LRRFIP1: variants seen among roughly 807,000 people sequenced by gnomAD.
The protein encoded by LRRFIP1 is leucine-rich repeat flightless-interacting protein 1.
A neutral mutation model predicts 104.4 loss-of-function variants in LRRFIP1; 62 were observed. The observed-to-expected ratio is 0.59, with a 90% confidence interval of 0.48 to 0.73. The LOEUF (loss-of-function observed/expected upper bound fraction) is 0.73, where lower values mean the gene tolerates loss of function less well. LRRFIP1 is among the 30% of genes least tolerant of loss of function. The pLI is 0.00. For missense variants in LRRFIP1, 796 were observed against 824.5 expected (o/e 0.97, Z 0.42); for synonymous variants, 300 against 299.0 (o/e 1.00, Z -0.03).
intron 23 of LRRFIP1, among the ~76,000 whole-genome samples, chr2:237,775,601 G>T (rs1265224278): frequency 2.6e-5 from 4 of 152,242 alleles, no homozygotes. Context: ...GGAGGCCAAG[G>T]TGAGCAAATC....
intron 8 of LRRFIP1, among the ~76,000 whole-genome samples, chr2:237,728,928 T>C (rs1240920920): frequency 2.0e-5 from 3 of 152,160 alleles, no homozygotes; most frequent in South Asian, 4.1e-4. Flanking sequence ...TGCACTTTAA[T>C]TATTTATTTT....
At position 237,649,730 on chromosome 2, in the gene LRRFIP1, G is replaced by A. The variant is rs760112442; in HGVS notation, c.96+21990G>A. ...CCATCGCCTCCTCTCTCCCTGCCGC[G>A]GTTCGGAAGCTCCACGGGGGCCAGT... On this transcript the variant is annotated intron_variant, in intron 1 of 23. Transcript: ENST00000308482. This position sits in a 1 kb window ranked among gnomAD's most constrained non-coding sequence, Gnocchi z 4.1. 7.9e-5 allele frequency among the ~76,000 whole-genome samples: 12 copies of A among 151,928 alleles called. No individual in the cohort carries two copies. The highest frequency in any genetic ancestry group is 2.4e-4 in the African/African-American group (10 of 41,416).
At chr2:237,688,612 C>A (rs566530962) in intron 1 of LRRFIP1, among the ~76,000 whole-genome samples, 19 of 152,188 alleles carry the variant, frequency 1.2e-4, no homozygotes, top group African/African-American at 4.3e-4. Flanking sequence ...ATGTGCACCA[C>A]CACACCCAGC....
chr2:237,681,688 T>C (rs1467176235), intron 1 of LRRFIP1, among the ~76,000 whole-genome samples: 2 of 67,936 alleles, frequency 2.9e-5, no homozygotes, highest in East Asian at 6.5e-4. Flanking sequence ...CTTTTTTTTT[T>C]TTTTTTTTTG....
chr2:237,662,319 G>A (rs546152487), intron 1 of LRRFIP1, among the ~76,000 whole-genome samples: 3 of 152,242 alleles, frequency 2.0e-5, no homozygotes, highest in East Asian at 1.9e-4. Flanking sequence ...GATTGTACAC[G>A]CAAAAAGCCT....
chr2:237,748,227 T>A (rs2304430), intron 11 of LRRFIP1, 137 bp from the exon 12 acceptor site: 6 of 706,494 alleles, frequency 8.5e-6, no homozygotes, highest in Non-Finnish European at 1.5e-5. Context: ...AAATTTGGAG[T>A]GTCCCATTTT....
chr2:237,756,878 T>G (rs2059327191), intron 16 of LRRFIP1, among the ~76,000 whole-genome samples: 1 of 152,164 alleles, frequency 6.6e-6, no homozygotes, highest in South Asian at 2.1e-4. Flanking sequence ...TATCCTGGAT[T>G]ATTTGATGGA....
intron 1 of LRRFIP1, among the ~76,000 whole-genome samples, chr2:237,693,414 AG>A (rs1326774897): frequency 2.0e-5 from 3 of 152,128 alleles, no homozygotes; most frequent in Admixed American, 1.3e-4. Context: ...TGCCAGAGAG[AG>A]GTGTAGAAGT....
chr2:237,767,521 A>G (rs1180057282), intron 19 of LRRFIP1, among the ~76,000 whole-genome samples: 4 of 152,246 alleles, frequency 2.6e-5, no homozygotes, highest in Non-Finnish European at 5.9e-5. Flanking sequence ...ATAGAGGAAG[A>G]TGGATTTTTA....
chr2:237,763,616 G>A (rs1461074479), intron 19 of LRRFIP1: 2 of 1,613,698 alleles, frequency 1.2e-6, no homozygotes, highest in Admixed American at 1.7e-5. Context: ...ACAGAAAATT[G>A]CAGCAGAAAG....
At chr2:237,673,943 T>C (rs2090752475) in intron 1 of LRRFIP1, among the ~76,000 whole-genome samples, 1 of 152,156 alleles carries the variant, frequency 6.6e-6, no homozygotes, top group Admixed American at 6.5e-5. Context: ...CACTGTCTAT[T>C]GTCTCGTTTC....
intron 1 of LRRFIP1, among the ~76,000 whole-genome samples, chr2:237,690,470 C>G (rs2092682678): frequency 6.6e-6 from 1 of 152,204 alleles, no homozygotes; most frequent in African/African-American, 2.4e-5. Flanking sequence ...GGCGCGGTGG[C>G]TCACACCTGT....
At chr2:237,656,564 GC>G (rs1384083452) in intron 1 of LRRFIP1, among the ~76,000 whole-genome samples, 7 of 152,210 alleles carry the variant, frequency 4.6e-5, no homozygotes, top group African/African-American at 1.4e-4. Context: ...AGAACATGGT[GC>G]CTGGTATTCC....
At chr2:237,719,443 G>T in intron 4 of LRRFIP1, 80 bp from the exon 5 acceptor site, 1 of 890,702 alleles carries the variant, frequency 1.1e-6, no homozygotes, top group South Asian at 1.4e-5. Context: ...ATGGTGCAGT[G>T]GGACTACCTA....
At chr2:237,755,645 G>A (rs11683400) in intron 15 of LRRFIP1, among the ~76,000 whole-genome samples, 2 of 152,208 alleles carry the variant, frequency 1.3e-5, no homozygotes, top group South Asian at 2.1e-4. Flanking sequence ...GTTTGAAAGG[G>A]CTTGAAGGCC....
chr2:237,680,285 A>C (rs1224615251), intron 1 of LRRFIP1, among the ~76,000 whole-genome samples: 1 of 152,236 alleles, frequency 6.6e-6, no homozygotes, highest in African/African-American at 2.4e-5. Flanking sequence ...TGAGGCCAGG[A>C]GTTCAAGACC....
rs34785178 is a variant in LRRFIP1 at position 237,649,590 on chromosome 2, A to G, written c.96+21850A>G. 0.24 allele frequency among the ~76,000 whole-genome samples: 37,151 copies of G among 151,904 alleles called. 5,296 individuals are homozygous for G. Among genetic ancestry groups the G allele is most frequent in the Non-Finnish European group, 0.31 (21,214 of 67,846 alleles). ...GTGGGTCAGCCTGAGGGCACACCCA[A>G]TATAACTTTCACAGGTGTTTTGTTT... On this transcript the variant is annotated intron_variant, in intron 1 of 23. Coordinates refer to ENST00000308482, the MANE Select transcript of LRRFIP1 (RefSeq NM_001137550.2). This position sits in a 1 kb window ranked among gnomAD's most constrained non-coding sequence, Gnocchi z 4.1.
At chr2:237,637,748 A>G (rs1263836325) in intron 1 of LRRFIP1, among the ~76,000 whole-genome samples, 1 of 152,218 alleles carries the variant, frequency 6.6e-6, no homozygotes, top group African/African-American at 2.4e-5. Context: ...GGTCATGATC[A>G]TATTTAAACA....
At chr2:237,759,187 A>G (rs55793070) in intron 18 of LRRFIP1, among the ~76,000 whole-genome samples, 4,564 of 152,312 alleles carry the variant, frequency 0.03, 145 homozygotes, top group Admixed American at 0.079. Flanking sequence ...CTCTAGAGGA[A>G]CAGTGACTTG....
Sources: allele counts gnomAD v4.1 joint callset (sites outside exome capture counted in the v4.1 genomes callset), GRCh38; gene constraint gnomAD v4.1.1; non-coding constraint Gnocchi (gnomAD v3.1); transcripts MANE v1.5; gene names NCBI Gene and HGNC (gene_info 2026-07-23, HGNC 2026-07-21).